Variants in LRRC72 observed in about 807,000 individuals in gnomAD.
LRRC72 encodes leucine-rich repeat-containing protein 72.
A neutral mutation model predicts 35.8 loss-of-function variants in LRRC72; 41 were observed. The ratio of observed to expected loss-of-function variants is 1.15; its 90% CI spans 0.89 to 1.49. The LOEUF (loss-of-function observed/expected upper bound fraction) is 1.49. Among genes scored for constraint, LRRC72 ranks in the 40% most tolerant of loss-of-function variants. The pLI is 0.00. For missense variants in LRRC72, 389 were observed against 330.7 expected, an observed-to-expected ratio of 1.18 and a Z score of -1.37; for synonymous variants, 118 against 119.2, an observed-to-expected ratio of 0.99 and a Z score of 0.07.
chr7:16,559,635 T>C (rs1300443995), intron 5 of LRRC72, among the ~76,000 whole-genome samples: 1 of 152,104 alleles, frequency 6.6e-6, no homozygotes, highest in Non-Finnish European at 1.5e-5. Flanking sequence ...AGTAGGCACA[T>C]CTATAGGGAC....
chr7:16,551,150 G>A (rs566317393), intron 3 of LRRC72, among the ~76,000 whole-genome samples: 1 of 152,216 alleles, frequency 6.6e-6, no homozygotes, highest in East Asian at 1.9e-4. Context: ...AGGAGACTAG[G>A]ACAGAGAGAG....
intron 2 of LRRC72, among the ~76,000 whole-genome samples, chr7:16,534,865 G>C (rs549340837): frequency 1.3e-5 from 2 of 152,302 alleles, no homozygotes; most frequent in East Asian, 3.9e-4. Flanking sequence ...TACAGTGAGA[G>C]AGGAGAATGA....
chr7:16,576,430 T>A (rs1783042326), intron 7 of LRRC72, among the ~76,000 whole-genome samples: 1 of 152,206 alleles, frequency 6.6e-6, no homozygotes, highest in Admixed American at 6.5e-5. Context: ...CACATTTTGA[T>A]TTTATTATCC....
At chr7:16,565,525 A>G (rs1782815414) in intron 5 of LRRC72, among the ~76,000 whole-genome samples, 1 of 152,208 alleles carries the variant, frequency 6.6e-6, no homozygotes, top group African/African-American at 2.4e-5. Context: ...TGAATAGGGA[A>G]AATATCTTTT....
At chr7:16,541,619 A>G (rs903393988) in intron 3 of LRRC72, among the ~76,000 whole-genome samples, 2 of 152,228 alleles carry the variant, frequency 1.3e-5, no homozygotes, top group Non-Finnish European at 2.9e-5. Flanking sequence ...CACTTTTAAA[A>G]AAACATACTG....
chr7:16,571,641 T>A (rs973790262), intron 7 of LRRC72, among the ~76,000 whole-genome samples: 1 of 152,144 alleles, frequency 6.6e-6, no homozygotes, highest in African/African-American at 2.4e-5. Flanking sequence ...GACTGTGCCT[T>A]GGGGAACGGA....
intron 7 of LRRC72, among the ~76,000 whole-genome samples, chr7:16,568,669 G>T (rs1452561227): frequency 2.0e-5 from 3 of 152,130 alleles, no homozygotes; most frequent in Non-Finnish European, 4.4e-5. Context: ...AGAATTCTTA[G>T]ATGCACCAGA....
intron 3 of LRRC72, among the ~76,000 whole-genome samples, chr7:16,543,591 G>A (rs924048366): frequency 2.0e-5 from 3 of 152,108 alleles, no homozygotes; most frequent in African/African-American, 7.2e-5. Flanking sequence ...TAGGTCCATG[G>A]GTGGATCCTG....
At chr7:16,561,054 C>T (rs995995364) in intron 5 of LRRC72, among the ~76,000 whole-genome samples, 7 of 152,092 alleles carry the variant, frequency 4.6e-5, no homozygotes, top group South Asian at 2.1e-4. Flanking sequence ...CCTTGTTTTA[C>T]TTATCATTTA....
intron 4 of LRRC72, among the ~76,000 whole-genome samples, chr7:16,558,683 T>G (rs1322260359): frequency 6.6e-6 from 1 of 152,072 alleles, no homozygotes; most frequent in Non-Finnish European, 1.5e-5. Flanking sequence ...ACATCACAAT[T>G]AATTATATGA....
chr7:16,569,103 G>A (rs556461342), intron 7 of LRRC72, among the ~76,000 whole-genome samples: 3 of 152,142 alleles, frequency 2.0e-5, no homozygotes, highest in East Asian at 1.9e-4. Context: ...TATATTTACC[G>A]CCCTCCATAT....
At chr7:16,561,235 A>G (rs990926292) in intron 5 of LRRC72, among the ~76,000 whole-genome samples, 2 of 152,220 alleles carry the variant, frequency 1.3e-5, no homozygotes, top group African/African-American at 4.8e-5. Flanking sequence ...CTCAGCCTAA[A>G]TATTTCTTAG....
intron 1 of LRRC72, among the ~76,000 whole-genome samples, chr7:16,532,107 G>C (rs980146485): frequency 6.6e-6 from 1 of 152,044 alleles, no homozygotes; most frequent in African/African-American, 2.4e-5. Context: ...CCCTGATACT[G>C]CATGAATTCT....
At chr7:16,561,188 C>T (rs1274564761) in intron 5 of LRRC72, among the ~76,000 whole-genome samples, 2 of 152,068 alleles carry the variant, frequency 1.3e-5, no homozygotes, top group African/African-American at 2.4e-5. Flanking sequence ...AAGAAAGACC[C>T]AGTCTATACC....
At chr7:16,581,290 C>G in intron 8 of LRRC72, 34 bp from the exon 9 acceptor site, 1 of 1,409,888 alleles carries the variant, frequency 7.1e-7, no homozygotes, top group South Asian at 1.7e-5. Context: ...TTTTTGATTG[C>G]TTTTTTTCTG....
chr7:16,565,526 A>G (rs1379287512), intron 5 of LRRC72, among the ~76,000 whole-genome samples: 1 of 152,208 alleles, frequency 6.6e-6, no homozygotes, highest in East Asian at 1.9e-4. Flanking sequence ...GAATAGGGAA[A>G]ATATCTTTTT....
At position 16,533,262 on chromosome 7, in the gene LRRC72, T is replaced by C. The variant is rs117183711; in HGVS notation, c.164+694T>C. On this transcript the variant is annotated intron_variant, in intron 2 of 8. Coordinates refer to ENST00000401542, the MANE Select transcript of LRRC72 (RefSeq NM_001195280.2). ...GGTAAGTAGAAAAATCCCTCTCTTA[T>C]ATCAACAGACCACTTTGATTCCACT... Among the ~76,000 whole-genome samples, 59 of 152,224 alleles carry C rather than the reference T, an allele frequency of 3.9e-4. No individual in the cohort carries two copies. In the East Asian group the frequency reaches 9.3e-3, roughly 24 times the overall value.
Position 16,543,119 on chromosome 7 carries a change from T to A in LRRC72, c.234+5423T>A, listed in dbSNP as rs539248362. 3.2e-3 allele frequency among the ~76,000 whole-genome samples: 490 copies of A among 152,344 alleles called. 3 individuals carry two copies. The highest frequency in any genetic ancestry group is 5.9e-3 in the Non-Finnish European group (404 of 68,036). ...CAGATCGCAAACTCTAACAGGCATA[T>A]TAACTATTATAATATTTCATCAAAG... On this transcript the variant is annotated intron_variant, in intron 3 of 8. Transcript: ENST00000401542.
chr7:16,546,114 A>G (rs1036704895), intron 3 of LRRC72, among the ~76,000 whole-genome samples: 1 of 152,168 alleles, frequency 6.6e-6, no homozygotes, highest in Admixed American at 6.5e-5. Context: ...TTTTACTCCT[A>G]TATAATTTAG....
Sources: gnomAD v4.1 joint callset for allele counts (sites outside exome capture counted in the v4.1 genomes callset) on GRCh38, gnomAD v4.1.1 for gene constraint, MANE v1.5 for transcripts, NCBI Gene and HGNC (gene_info 2026-07-23, HGNC 2026-07-21) for gene names.